The following GAL3ST2 variants were observed in gnomAD, a reference collection of about 807,000 sequenced individuals.
The protein encoded by GAL3ST2 is beta-galactose-3-O-sulfotransferase 2.
GAL3ST2 carries 16 observed loss-of-function variants against 12.9 expected under a neutral mutation model. The observed-to-expected ratio is 1.24, with a 90% confidence interval of 0.84 to 1.88. The LOEUF is 1.88. Among genes scored for constraint, GAL3ST2 ranks in the 40% most tolerant of loss-of-function variants. The pLI is 0.00. For missense variants in GAL3ST2, 639 were observed against 571.8 expected (o/e 1.12, Z -1.20); for synonymous variants, 302 against 273.9 (o/e 1.10, Z -1.01).
chr2:241,790,911 A>G (rs1374190480), intron 1 of GAL3ST2, among the ~76,000 whole-genome samples: 1 of 152,172 alleles, frequency 6.6e-6, no homozygotes. Context: ...CCTTTACCTT[A>G]ACCTGAGCAT....
intron 1 of GAL3ST2, among the ~76,000 whole-genome samples, chr2:241,779,214 A>ATTTTTTTTTTTT (rs56979777): frequency 3.7e-5 from 2 of 54,544 alleles, no homozygotes; most frequent in African/African-American, 1.5e-4. Context: ...AGGAAAGCTC[A>ATTTTTTTTTTTT]TTTTTTTTTT....
intron 1 of GAL3ST2, among the ~76,000 whole-genome samples, chr2:241,794,359 C>T (rs1456029268): frequency 3.9e-5 from 6 of 152,198 alleles, no homozygotes; most frequent in Admixed American, 6.5e-5. Flanking sequence ...CACAGCTCAC[C>T]GGGTTGTGCT....
At position 241,777,212 on chromosome 2, in the gene GAL3ST2, A is replaced by T. The variant is rs530556641; in HGVS notation, c.29+228A>T. ...CTTCTGGGTGTTTGGGGGTTCTGGG[A>T]TGTGGGGCCCAGTGAGAAAGCTGCC... On this transcript the variant is annotated intron_variant, in intron 1 of 3. Transcript: ENST00000192314. Among the ~76,000 whole-genome samples the T allele has an allele frequency of 1.5e-4, 23 of 152,070 alleles. 1 individual carries two copies. In the South Asian group the frequency reaches 4.8e-3, roughly 32 times the overall value.
In GAL3ST2 at chr2:241,803,671, G is replaced by C; in HGVS notation, c.702G>C (p.Leu234=). ...VLIAEHLDES[L]VLLRRRLRWA... ...TCGCCGAGCACCTGGACGAGTCCCT[G>C]GTGCTGCTGCGGCGCCGGCTGCGCT... Residue 234 remains leucine (L), a synonymous_variant, in exon 4 of 4, where the codon CTG becomes CTC. Transcript: ENST00000192314. 3 of 1,547,780 alleles carry C rather than the reference G, an allele frequency of 1.9e-6. No individual in the cohort carries two copies. The highest frequency in any genetic ancestry group is 2.6e-6 in the Non-Finnish European group (3 of 1,145,392).
rs113986965 is a variant in GAL3ST2 at position 241,802,490 on chromosome 2, G to A, written c.375+454G>A. 1.2e-3 allele frequency among the ~76,000 whole-genome samples: 189 copies of A among 152,208 alleles called. 1 individual carries two copies. Among genetic ancestry groups the A allele is most frequent in the Non-Finnish European group, 2.2e-3 (152 of 67,982 alleles). On this transcript the variant is annotated intron_variant, in intron 3 of 3. Coordinates refer to ENST00000192314, the MANE Select transcript of GAL3ST2 (RefSeq NM_022134.3). The surrounding 1 kb of genome is among the most constrained non-coding windows in gnomAD (Gnocchi z 4.8). ...GGTGGGAGGGCTGTGGGCAGGCACA[G>A]GTGTTTTAGGGTCACCCTGAGCGCT...
rs756798315 is a variant in GAL3ST2 at position 241,776,949 on chromosome 2, G to A, written c.-7G>A. The A allele has an allele frequency of 3.2e-6, 5 of 1,548,818 alleles. No individual in the cohort carries two copies. The East Asian group carries it at 1.0e-4, about 31-fold the overall frequency. On this transcript the variant is annotated 5_prime_UTR_variant, in exon 1 of 4. Coordinates refer to ENST00000192314, the MANE Select transcript of GAL3ST2 (RefSeq NM_022134.3). ...GACTGTCCCCTCGCTGGAGGCCAGA[G>A]GCCAAGATGATGTCCATGCTGGGCG...
In GAL3ST2 at chr2:241,801,984, C is replaced by T. The variant is rs1209854669; in HGVS notation, c.323C>T (p.Ser108Leu). ...FLARYVEGVG[S>L]QQRFNIMCNH... is the part of the protein sequence containing the mutation. Reference sequence around the variant, plus strand: ...GCGCGCTACGTGGAAGGCGTGGGGTCGCAGCAGCGCTTCAACATCATGTGC... The same window carrying T: ...GCGCGCTACGTGGAAGGCGTGGGGTTGCAGCAGCGCTTCAACATCATGTGC... The change falls in exon 3 of 4, where the codon TCG (serine) becomes TTG (leucine). Residue 108 changes from serine (S) to leucine (L), a missense_variant. By Grantham distance (145) the Ser-to-Leu change is moderately radical. Transcript: ENST00000192314. This position sits in a 1 kb window ranked among gnomAD's most constrained non-coding sequence, Gnocchi z 4.4. 2.5e-6 allele frequency: 4 copies of T among 1,612,830 alleles called. No individual in the cohort carries two copies. Among genetic ancestry groups the T allele is most frequent in the South Asian group, 1.1e-5 (1 of 91,050 alleles).
chr2:241,798,727 C>G (rs1030493569), intron 1 of GAL3ST2, among the ~76,000 whole-genome samples: 2 of 152,138 alleles, frequency 1.3e-5, no homozygotes, highest in Non-Finnish European at 1.5e-5. Context: ...GGGGGCCCTG[C>G]GTGGGTAGAG....
chr2:241,783,381 C>T (rs1295150634), intron 1 of GAL3ST2, among the ~76,000 whole-genome samples: 1 of 152,094 alleles, frequency 6.6e-6, no homozygotes, highest in East Asian at 1.9e-4. Context: ...ATTTACCATA[C>T]AAGATTCTTT....
At chr2:241,790,219 G>T (rs891391517) in intron 1 of GAL3ST2, among the ~76,000 whole-genome samples, 4 of 152,136 alleles carry the variant, frequency 2.6e-5, no homozygotes, top group Non-Finnish European at 5.9e-5. Context: ...TAACTTTGGG[G>T]ATTGTGGCAT....
chr2:241,790,479 C>A (rs1382663826), intron 1 of GAL3ST2, among the ~76,000 whole-genome samples: 1 of 152,112 alleles, frequency 6.6e-6, no homozygotes, highest in East Asian at 1.9e-4. Flanking sequence ...ATATTTGTTT[C>A]TCTTAAGGAC....
Position 241,801,741 on chromosome 2 carries a change from C to T in GAL3ST2, c.120-40C>T. The T allele has an allele frequency of 2.5e-6, 4 of 1,595,968 alleles. No homozygotes were observed. The highest frequency in any genetic ancestry group is 3.4e-6 in the Non-Finnish European group (4 of 1,171,820). Reference sequence around the variant, plus strand: ...CGCTGTTGGGCGGGGGTTGGGGCATCTGCACCCTTGCTGAAGGCTGCGTGT... The same window carrying T: ...CGCTGTTGGGCGGGGGTTGGGGCATTTGCACCCTTGCTGAAGGCTGCGTGT... On this transcript the variant is annotated intron_variant, in intron 2 of 3. Coordinates refer to ENST00000192314, the MANE Select transcript of GAL3ST2 (RefSeq NM_022134.3). This position sits in a 1 kb window ranked among gnomAD's most constrained non-coding sequence, Gnocchi z 4.4.
rs559277053 is a variant in GAL3ST2, at chr2:241,801,705, G to A, written c.120-76G>A. 1.1e-5 allele frequency: 17 copies of A among 1,542,354 alleles called. No homozygotes were observed. The highest frequency in any genetic ancestry group is 4.6e-5 in the East Asian group (2 of 43,916). On this transcript the variant is annotated intron_variant, in intron 2 of 3. Coordinates refer to ENST00000192314, the MANE Select transcript of GAL3ST2 (RefSeq NM_022134.3). This position sits in a 1 kb window ranked among gnomAD's most constrained non-coding sequence, Gnocchi z 4.4. ...TGGGAGGTCTCTCCTTGCGGTTGCC[G>A]GGCTGGGGGTCGCTGTTGGGCGGGG...
chr2:241,803,422 C>T lies in GAL3ST2; in HGVS notation c.453C>T (p.Phe151=), dbSNP rs141012068. 5 of 1,612,672 alleles carry T rather than the reference C, an allele frequency of 3.1e-6. No individual in the cohort carries two copies. Among genetic ancestry groups the T allele is most frequent in the Non-Finnish European group, 4.2e-6 (5 of 1,179,706 alleles). The change falls in exon 4 of 4, where the codon TTC becomes TTT. Residue 151 remains phenylalanine, a synonymous_variant. Transcript: ENST00000192314. The part of the protein sequence containing the change: ...RNPVFQLESS[F]IYYKTYAPAF... ...CCGTGTTCCAGCTGGAGTCCTCCTT[C>T]ATCTACTACAAAACCTACGCCCCCG...
In GAL3ST2 at chr2:241,802,058, G is replaced by A; in HGVS notation, c.375+22G>A. The stretch of plus-strand genomic sequence containing the variant: ...TCAGGTACCGCGGGCCTGCTGGGGA[G>A]GAGGGCGGGCTGCAGCCGTGCCTGT... On this transcript the variant is annotated intron_variant, in intron 3 of 3. Coordinates refer to ENST00000192314, the MANE Select transcript of GAL3ST2 (RefSeq NM_022134.3). The surrounding 1 kb of genome is among the most constrained non-coding windows in gnomAD (Gnocchi z 4.8). 1 of 1,593,656 alleles carries A rather than the reference G, an allele frequency of 6.3e-7. No homozygotes were observed. Among genetic ancestry groups the A allele is most frequent in the Non-Finnish European group, 8.5e-7 (1 of 1,170,290 alleles).
At chr2:241,794,728 G>A (rs751047590) in intron 1 of GAL3ST2, among the ~76,000 whole-genome samples, 24 of 152,320 alleles carry the variant, frequency 1.6e-4, no homozygotes, top group Middle Eastern at 3.4e-3. Flanking sequence ...CAGTCCCCAC[G>A]GTTGTGAGTC....
chr2:241,801,405 A>C lies in GAL3ST2; in HGVS notation c.120-376A>C. 2 of 295,852 alleles carry C rather than the reference A, an allele frequency of 6.8e-6. No individual in the cohort carries two copies. Among genetic ancestry groups the C allele is most frequent in the East Asian group, 7.8e-5 (1 of 12,856 alleles). 18.3% of individuals were successfully genotyped at this position (295,852 alleles called of 1,614,324 possible). A position where few individuals can be genotyped will look rare whatever the true frequency, so the allele number is the denominator to read the frequency against. On this transcript the variant is annotated intron_variant, in intron 2 of 3. Transcript: ENST00000192314. This position sits in a 1 kb window ranked among gnomAD's most constrained non-coding sequence, Gnocchi z 4.4. Reference sequence around the variant, plus strand: ...CTGCTGGGTCTAAACCGCAAAGGGGAGGGGGTGTGACGAGGCGTCTACCTC... The same window carrying C: ...CTGCTGGGTCTAAACCGCAAAGGGGCGGGGGTGTGACGAGGCGTCTACCTC...
intron 2 of GAL3ST2, 26 bp downstream of exon 2, chr2:241,799,180 C>T (rs2125196208): frequency 6.2e-7 from 1 of 1,601,584 alleles, no homozygotes; most frequent in South Asian, 1.1e-5. Flanking sequence ...ACCATAAGTC[C>T]TGCCCCGGGT....
At chr2:241,787,303 A>G (rs1274945277) in intron 1 of GAL3ST2, among the ~76,000 whole-genome samples, 1 of 152,276 alleles carries the variant, frequency 6.6e-6, no homozygotes, top group African/African-American at 2.4e-5. Context: ...CCTTGGCGCA[A>G]TAAGCTTTCT....
Sources: gnomAD v4.1 joint callset for allele counts (sites outside exome capture counted in the v4.1 genomes callset) on GRCh38, gnomAD v4.1.1 for gene constraint, Gnocchi (gnomAD v3.1) non-coding constraint, MANE v1.5 for transcripts, NCBI Gene and HGNC (gene_info 2026-07-23, HGNC 2026-07-21) for gene names.